Variants in FHOD3 observed in about 807,000 individuals in gnomAD.
The protein encoded by FHOD3 is FH1/FH2 domain-containing protein 3.
A neutral mutation model predicts 173.0 loss-of-function variants in FHOD3; 90 were observed. That is an observed-to-expected ratio of 0.52 (90% confidence interval 0.44 to 0.62). The LOEUF is 0.62. FHOD3 is among the 20% of genes least tolerant of loss of function. The pLI, the probability that FHOD3 is intolerant of heterozygous loss-of-function variation, is 0.00. For synonymous variants in FHOD3, 828 were observed against 823.0 expected, an observed-to-expected ratio of 1.01 and a Z score of -0.10; for missense variants, 1,945 against 2,034.7, an observed-to-expected ratio of 0.96 and a Z score of 0.85.
In FHOD3 at chr18:36,565,852, TA is replaced by T. The variant is rs373587703; in HGVS notation, c.512-10598del. 2.1e-4 allele frequency among the ~76,000 whole-genome samples: 32 copies of T among 152,294 alleles called. No individual in the cohort carries two copies. The East Asian group carries it at 5.8e-3, about 28-fold the overall frequency. ...CATGGTGGAACTCTGTGGCCTCAAATATGCAAGTGGACACTTGGTTTTTGAA... is the reference window on the plus strand; with the variant it reads ...CATGGTGGAACTCTGTGGCCTCAAATTGCAAGTGGACACTTGGTTTTTGAA... On this transcript the variant is annotated intron_variant, in intron 5 of 28. Transcript: ENST00000590592.
Position 36,755,144 on chromosome 18 carries a change from G to C in FHOD3, c.4258G>C (p.Gly1420Arg). 1.9e-6 allele frequency: 3 copies of C among 1,603,158 alleles called. No homozygotes were observed. Among genetic ancestry groups the C allele is most frequent in the Non-Finnish European group, 2.6e-6 (3 of 1,175,292 alleles). Residue 1420 changes from glycine to arginine, a missense_variant, in exon 25 of 29, where the codon GGC (glycine) becomes CGC (arginine). Gly to Arg is a moderately radical substitution (Grantham distance 125, BLOSUM62 -2). Around this residue, in one of 5 missense-constraint regions of FHOD3, gnomAD observed 354 missense variants for 359.9 expected, o/e 0.98. Coordinates refer to ENST00000590592, the MANE Select transcript of FHOD3 (RefSeq NM_001281740.3). ...NRFHSFLLFM[G>R]HPPYAIREVN... Reference sequence around the variant, plus strand: ...ATTCCACTCCTTTTTACTCTTTATGGGCCATCCACCTTATGCAATTCGGGA... The same window carrying C: ...ATTCCACTCCTTTTTACTCTTTATGCGCCATCCACCTTATGCAATTCGGGA...
chr18:36,440,180 G>T (rs1031595230), intron 3 of FHOD3, among the ~76,000 whole-genome samples: 2 of 152,308 alleles, frequency 1.3e-5, no homozygotes, highest in African/African-American at 4.8e-5. Flanking sequence ...TGCTGATGCT[G>T]CTGGTCCAGG....
chr18:36,315,828 G>A (rs111502275), intron 1 of FHOD3, among the ~76,000 whole-genome samples: 226 of 152,208 alleles, frequency 1.5e-3, no homozygotes, highest in African/African-American at 5.2e-3. Flanking sequence ...TCACAGACCC[G>A]ACTTTTGAAA....
chr18:36,356,282 C>T (rs963378607), intron 2 of FHOD3, among the ~76,000 whole-genome samples: 1 of 152,210 alleles, frequency 6.6e-6, no homozygotes, highest in Admixed American at 6.5e-5. Flanking sequence ...TTAATGTCAA[C>T]TTACTTTTTG....
intron 16 of FHOD3, among the ~76,000 whole-genome samples, chr18:36,692,252 C>A (rs371111731): frequency 5.9e-5 from 9 of 152,266 alleles, no homozygotes; most frequent in African/African-American, 1.7e-4. Context: ...AAATGAGGAA[C>A]ACCATGTCTA....
intron 18 of FHOD3, among the ~76,000 whole-genome samples, chr18:36,715,290 T>C (rs1208778809): frequency 6.6e-6 from 1 of 152,244 alleles, no homozygotes; most frequent in Non-Finnish European, 1.5e-5. Flanking sequence ...GATAGTTTTT[T>C]AAGGCGCTTC....
At position 36,780,161 on chromosome 18, in the gene FHOD3, G is replaced by C. The variant is rs866183703; in HGVS notation, c.*631G>C. 3 of 1,231,718 alleles carry C rather than the reference G, an allele frequency of 2.4e-6. No homozygotes were observed. Among genetic ancestry groups the C allele is most frequent in the Non-Finnish European group, 3.0e-6 (3 of 988,014 alleles). 76.3% of individuals were successfully genotyped at this position (1,231,718 alleles called of 1,614,324 possible). On this transcript the variant is annotated 3_prime_UTR_variant, in exon 29 of 29. Transcript: ENST00000590592. ...TCTCAGTGTCCTCAGAAGCACCCTC[G>C]CTTGGAACGGCCTTCAGATCCTTTG...
chr18:36,341,485 T>C (rs1364223256), intron 1 of FHOD3, among the ~76,000 whole-genome samples: 2 of 152,206 alleles, frequency 1.3e-5, no homozygotes, highest in Non-Finnish European at 2.9e-5. Flanking sequence ...TTGATGTATT[T>C]ACCTGTTCAT....
At chr18:36,670,096 ATCT>A (rs1417174613) in intron 14 of FHOD3, among the ~76,000 whole-genome samples, 4 of 151,844 alleles carry the variant, frequency 2.6e-5, no homozygotes, top group Admixed American at 6.6e-5. Flanking sequence ...TTGATGATAA[ATCT>A]TCTGTTTTTA....
chr18:36,553,465 G>T (rs2057746425), intron 5 of FHOD3, among the ~76,000 whole-genome samples: 1 of 151,880 alleles, frequency 6.6e-6, no homozygotes, highest in African/African-American at 2.4e-5. Context: ...TTTTTTTGTT[G>T]GTAGGCTATT....
chr18:36,517,082 T>C (rs184157280), intron 5 of FHOD3, among the ~76,000 whole-genome samples: 1 of 152,324 alleles, frequency 6.6e-6, no homozygotes, highest in East Asian at 1.9e-4. Context: ...TGTAGGCAAG[T>C]GCTGTCCAAA....
chr18:36,484,248 CT>C (rs1599332991), intron 3 of FHOD3, among the ~76,000 whole-genome samples: 1 of 152,208 alleles, frequency 6.6e-6, no homozygotes, highest in Non-Finnish European at 1.5e-5. Context: ...TTCTTGACAT[CT>C]TTTTCTGTTC....
chr18:36,733,435 G>C (rs2041473360), intron 20 of FHOD3, among the ~76,000 whole-genome samples: 1 of 152,186 alleles, frequency 6.6e-6, no homozygotes, highest in Non-Finnish European at 1.5e-5. Context: ...GATAGCCAGA[G>C]CCAGCCTGAT....
intron 24 of FHOD3, among the ~76,000 whole-genome samples, chr18:36,750,340 AT>A (rs917125408): frequency 1.3e-5 from 2 of 152,002 alleles, no homozygotes; most frequent in Admixed American, 6.5e-5. Context: ...GGGGTTGTTC[AT>A]TTTTCTCTTG....
intron 3 of FHOD3, among the ~76,000 whole-genome samples, chr18:36,412,651 A>G (rs2049415565): frequency 6.6e-6 from 1 of 152,252 alleles, no homozygotes; most frequent in Non-Finnish European, 1.5e-5. Flanking sequence ...ATTTGCTCTT[A>G]AAGCCATTTT....
intron 9 of FHOD3, among the ~76,000 whole-genome samples, chr18:36,616,258 A>T (rs879789042): frequency 6.6e-6 from 1 of 152,186 alleles, no homozygotes; most frequent in Non-Finnish European, 1.5e-5. Flanking sequence ...CATCTCTTAG[A>T]TTCTGTTCAG....
chr18:36,618,563 C>T (rs148211846), intron 9 of FHOD3, among the ~76,000 whole-genome samples: 1,809 of 152,180 alleles, frequency 0.012, 32 homozygotes, highest in African/African-American at 0.041. Flanking sequence ...CCACCCTCCT[C>T]GGCCTCCCAA....
chr18:36,613,081 A>G (rs1405166746), intron 9 of FHOD3, among the ~76,000 whole-genome samples: 1 of 152,232 alleles, frequency 6.6e-6, no homozygotes, highest in Non-Finnish European at 1.5e-5. Context: ...ACTCAAATCC[A>G]TCTTGAAGGG....
chr18:36,709,020 C>G (rs2040026552), intron 17 of FHOD3, 75 bp from the exon 18 acceptor site: 2 of 1,529,670 alleles, frequency 1.3e-6, no homozygotes, highest in African/African-American at 2.7e-5. Flanking sequence ...AAATCAACCT[C>G]ACATTCATTC....
Sources: gnomAD v4.1 joint callset for allele counts (sites outside exome capture counted in the v4.1 genomes callset) on GRCh38, gnomAD v4.1.1 for gene constraint, gnomAD v4.1.1 regional missense constraint, MANE v1.5 for transcripts, NCBI Gene and HGNC (gene_info 2026-07-23, HGNC 2026-07-21) for gene names.